PRKCE: variants seen among roughly 807,000 people sequenced by gnomAD.
PRKCE encodes protein kinase C epsilon type.
Under a neutral mutation model 85.4 loss-of-function variants are expected in PRKCE, and 16 were observed. That is an observed-to-expected ratio of 0.19 (90% CI 0.13 to 0.28). The LOEUF is 0.28. Ranked by LOEUF, PRKCE falls within the 10% of genes least tolerant of loss-of-function variation. The pLI, the probability that PRKCE is intolerant of heterozygous loss-of-function variation, is 1.00. For synonymous variants in PRKCE, 388 were observed against 371.5 expected, an observed-to-expected ratio of 1.04 and a Z score of -0.51; for missense variants, 573 against 975.2, an observed-to-expected ratio of 0.59 and a Z score of 5.49.
intron 2 of PRKCE, among the ~76,000 whole-genome samples, chr2:45,883,116 A>G (rs1003757985): frequency 5.3e-5 from 8 of 152,258 alleles, no homozygotes; most frequent in African/African-American, 1.9e-4. Context: ...TCTTTGAGGT[A>G]CTGACTCTCA....
intron 1 of PRKCE, among the ~76,000 whole-genome samples, chr2:45,810,624 C>T (rs1413620048): frequency 6.6e-6 from 1 of 152,044 alleles, no homozygotes; most frequent in Non-Finnish European, 1.5e-5. Flanking sequence ...CACCCTGTTG[C>T]CCAGGCTGGA....
chr2:45,780,747 C>G (rs1231940698), intron 1 of PRKCE, among the ~76,000 whole-genome samples: 1 of 152,188 alleles, frequency 6.6e-6, no homozygotes, highest in Non-Finnish European at 1.5e-5. Flanking sequence ...TGCTCAGTAA[C>G]TTGTTCTCAT....
intron 2 of PRKCE, among the ~76,000 whole-genome samples, chr2:45,852,352 G>C (rs895303082): frequency 6.6e-6 from 1 of 152,166 alleles, no homozygotes; most frequent in East Asian, 1.9e-4. Flanking sequence ...TTAACTCAAG[G>C]GAAGTTAAAT....
intron 6 of PRKCE, among the ~76,000 whole-genome samples, chr2:45,997,002 A>T (rs914440007): frequency 2.6e-5 from 4 of 152,184 alleles, no homozygotes; most frequent in African/African-American, 9.7e-5. Context: ...TTTACAAGAT[A>T]AGCCTGTTTG....
intron 11 of PRKCE, among the ~76,000 whole-genome samples, chr2:46,140,715 A>G (rs1377817881): frequency 3.3e-5 from 5 of 152,206 alleles, no homozygotes; most frequent in African/African-American, 1.2e-4. Flanking sequence ...CAAAACCACC[A>G]TAAGCAATGC....
chr2:45,789,301 C>A (rs1014512365), intron 1 of PRKCE, among the ~76,000 whole-genome samples: 1 of 152,112 alleles, frequency 6.6e-6, no homozygotes, highest in African/African-American at 2.4e-5. Flanking sequence ...TGTACAGAGA[C>A]CATAAGATTG....
intron 11 of PRKCE, among the ~76,000 whole-genome samples, chr2:46,090,863 A>G (rs570175117): frequency 3.3e-5 from 5 of 152,288 alleles, no homozygotes; most frequent in Admixed American, 2.6e-4. Context: ...TATGTGATAC[A>G]GGGAATTTAT....
intron 1 of PRKCE, among the ~76,000 whole-genome samples, chr2:45,670,294 C>A (rs1572895275): frequency 6.6e-6 from 1 of 152,030 alleles, no homozygotes. Flanking sequence ...ATTTTTCTTT[C>A]TGAAGGAGAA....
intron 11 of PRKCE, among the ~76,000 whole-genome samples, chr2:46,129,061 C>T (rs534211916): frequency 3.9e-5 from 6 of 152,326 alleles, no homozygotes; most frequent in African/African-American, 1.4e-4. Flanking sequence ...CCTATACTAG[C>T]TGTGGGCCCC....
At chr2:46,135,746 C>CTTTTT (rs11417233) in intron 11 of PRKCE, among the ~76,000 whole-genome samples, 301 of 20,662 alleles carry the variant, frequency 0.015, 87 homozygotes, top group African/African-American at 0.023. Context: ...ACAAATTATG[C>CTTTTT]TTTTTTTTTT....
At chr2:45,849,464 G>C (rs576794264) in intron 2 of PRKCE, among the ~76,000 whole-genome samples, 1 of 152,078 alleles carries the variant, frequency 6.6e-6, no homozygotes, top group Non-Finnish European at 1.5e-5. Flanking sequence ...CCAAAATCAA[G>C]CCCAGATACT....
chr2:45,842,379 C>G (rs527728023), intron 1 of PRKCE, among the ~76,000 whole-genome samples: 12 of 152,120 alleles, frequency 7.9e-5, no homozygotes, highest in Non-Finnish European at 1.8e-4. Flanking sequence ...CAGCATTGTT[C>G]CCCATTTTTT....
chr2:45,680,646 A>T (rs1285231664), intron 1 of PRKCE, among the ~76,000 whole-genome samples: 1 of 152,210 alleles, frequency 6.6e-6, no homozygotes, highest in Non-Finnish European at 1.5e-5. Flanking sequence ...ATACATACAT[A>T]TATGGCCAAG....
At chr2:45,868,579 C>T (rs746680344) in intron 2 of PRKCE, among the ~76,000 whole-genome samples, 66 of 151,132 alleles carry the variant, frequency 4.4e-4, no homozygotes, top group Non-Finnish European at 7.5e-4. Context: ...CCGCCTCAGC[C>T]TCCCAAAATA....
intron 10 of PRKCE, among the ~76,000 whole-genome samples, chr2:46,044,326 C>T (rs1238460410): frequency 6.6e-6 from 1 of 152,176 alleles, no homozygotes; most frequent in Admixed American, 6.5e-5. Flanking sequence ...TCCCAGTGAT[C>T]TGTTAGAGAA....
chr2:45,655,821 G>A (rs1675350385), intron 1 of PRKCE, among the ~76,000 whole-genome samples: 1 of 141,490 alleles, frequency 7.1e-6, no homozygotes, highest in South Asian at 2.4e-4. Context: ...TCCAGCCTGG[G>A]TGACAGAGTG....
At chr2:45,951,272 T>C (rs550158540) in intron 2 of PRKCE, among the ~76,000 whole-genome samples, 1 of 152,198 alleles carries the variant, frequency 6.6e-6, no homozygotes, top group Non-Finnish European at 1.5e-5. Context: ...GAACCACTGC[T>C]TTAGACAACT....
chr2:45,725,011 G>C (rs954558756), intron 1 of PRKCE, among the ~76,000 whole-genome samples: 2 of 152,238 alleles, frequency 1.3e-5, no homozygotes, highest in Admixed American at 1.3e-4. Flanking sequence ...ATTAGAAGTT[G>C]CTATCTAACA....
chr2:45,995,533 C>G (rs1055979628), intron 6 of PRKCE, among the ~76,000 whole-genome samples: 1 of 152,054 alleles, frequency 6.6e-6, no homozygotes, highest in Non-Finnish European at 1.5e-5. Context: ...TTGTGAAGAT[C>G]GTAAGGTTTG....
Sources: gnomAD v4.1 joint callset for allele counts (sites outside exome capture counted in the v4.1 genomes callset) on GRCh38, gnomAD v4.1.1 for gene constraint, MANE v1.5 for transcripts, NCBI Gene and HGNC (gene_info 2026-07-23, HGNC 2026-07-21) for gene names.